Variants in SMOC1 observed in about 807,000 individuals in gnomAD.
SMOC1 encodes SPARC related modular calcium binding 1, also known as SPARC-related modular calcium-binding protein 1.
Under a neutral mutation model 56.3 loss-of-function variants are expected in SMOC1, and 22 were observed. The observed-to-expected ratio is 0.39, with a 90% CI of 0.28 to 0.56. The LOEUF (loss-of-function observed/expected upper bound fraction) is 0.56, where lower values mean the gene tolerates loss of function less well. SMOC1 is among the 20% of genes least tolerant of loss of function. SMOC1 has a pLI of 0.61. For synonymous variants in SMOC1, 193 were observed against 215.0 expected, an observed-to-expected ratio of 0.90 and a Z score of 0.89; for missense variants, 509 against 565.4, an observed-to-expected ratio of 0.90 and a Z score of 1.01.
At chr14:70,000,568 G>A (rs376214650) in intron 7 of SMOC1, among the ~76,000 whole-genome samples, 7 of 152,174 alleles carry the variant, frequency 4.6e-5, no homozygotes, top group Non-Finnish European at 1.0e-4. Context: ...AAATTTGAGC[G>A]GGTGCGAGTC....
In SMOC1 at chr14:69,987,810, C is replaced by T. The variant is rs1380432; in HGVS notation, c.527-4607C>T. On this transcript the variant is annotated intron_variant, in intron 5 of 11. Transcript: ENST00000361956. The stretch of plus-strand genomic sequence containing the variant: ...TCGAAGTGACTTCCAGCTGTCTGTG[C>T]GTGGGCCAGGCCTTCTCGCAGGGCA... 4.1e-3 allele frequency among the ~76,000 whole-genome samples: 628 copies of T among 152,288 alleles called. 3 individuals carry two copies. The highest frequency in any genetic ancestry group is 0.011 in the South Asian group (51 of 4,824).
At chr14:69,968,172 A>G (rs1442981542) in intron 3 of SMOC1, among the ~76,000 whole-genome samples, 1 of 152,230 alleles carries the variant, frequency 6.6e-6, no homozygotes, top group Admixed American at 6.5e-5. Flanking sequence ...TGAGTATTTC[A>G]TGATAAATGC....
intron 3 of SMOC1, among the ~76,000 whole-genome samples, chr14:69,969,227 T>G (rs1883674539): frequency 1.3e-5 from 2 of 152,200 alleles, no homozygotes; most frequent in African/African-American, 4.8e-5. Flanking sequence ...GTGTAAAAGT[T>G]AGGGGAGGGT....
intron 1 of SMOC1, among the ~76,000 whole-genome samples, chr14:69,942,123 A>G (rs1015598103): frequency 1.3e-5 from 2 of 151,602 alleles, no homozygotes; most frequent in Non-Finnish European, 2.9e-5. Context: ...CCCATATCCT[A>G]TCTGTTTGTT....
chr14:69,894,986 G>A (rs1420057699), intron 1 of SMOC1, among the ~76,000 whole-genome samples: 4 of 152,192 alleles, frequency 2.6e-5, no homozygotes, highest in African/African-American at 9.7e-5. Flanking sequence ...TAGTGGCAGA[G>A]CCAGAGCCAG....
chr14:69,971,136 G>A (rs1883749341), intron 3 of SMOC1, among the ~76,000 whole-genome samples: 2 of 151,942 alleles, frequency 1.3e-5, no homozygotes, highest in Admixed American at 6.6e-5. Flanking sequence ...ATCCTGCTTC[G>A]GCCTCCCGAG....
chr14:69,979,113 G>C (rs1459155456), intron 5 of SMOC1, among the ~76,000 whole-genome samples: 1 of 152,160 alleles, frequency 6.6e-6, no homozygotes, highest in Non-Finnish European at 1.5e-5. Flanking sequence ...CCTTGGGCTT[G>C]CTGAGGGTCA....
intron 3 of SMOC1, among the ~76,000 whole-genome samples, chr14:69,967,334 G>A (rs1171925628): frequency 6.6e-6 from 1 of 152,244 alleles, no homozygotes; most frequent in Non-Finnish European, 1.5e-5. Context: ...CAGTCAATAA[G>A]AATAGCAGTG....
chr14:69,977,779 A>G, intron 4 of SMOC1, 139 bp from the exon 5 acceptor site: 1 of 741,712 alleles, frequency 1.3e-6, no homozygotes, highest in Non-Finnish European at 2.5e-6. Context: ...CTAACATTGT[A>G]TATAATATCC....
chr14:69,941,808 C>T (rs1882575668), intron 1 of SMOC1, among the ~76,000 whole-genome samples: 2 of 152,162 alleles, frequency 1.3e-5, no homozygotes, highest in Non-Finnish European at 2.9e-5. Flanking sequence ...ATTCTCTTAG[C>T]TTGTCCTTTC....
chr14:70,027,345 A>C (rs1312115180), intron 11 of SMOC1, among the ~76,000 whole-genome samples: 1 of 152,126 alleles, frequency 6.6e-6, no homozygotes, highest in Non-Finnish European at 1.5e-5. Flanking sequence ...TGAGCAGGCC[A>C]GTCTTGGTTG....
chr14:69,885,030 C>T (rs1883757167), intron 1 of SMOC1, among the ~76,000 whole-genome samples: 1 of 152,136 alleles, frequency 6.6e-6, no homozygotes, highest in African/African-American at 2.4e-5. Context: ...GAAGTATAGA[C>T]ATTTTCACAA....
intron 5 of SMOC1, among the ~76,000 whole-genome samples, chr14:69,986,757 G>C (rs1222354283): frequency 6.6e-6 from 1 of 152,140 alleles, no homozygotes; most frequent in African/African-American, 2.4e-5. Context: ...CTCTTCTTCA[G>C]CTCAAGGATG....
intron 5 of SMOC1, among the ~76,000 whole-genome samples, chr14:69,981,078 G>C (rs1235939325): frequency 6.6e-6 from 1 of 152,114 alleles, no homozygotes; most frequent in Non-Finnish European, 1.5e-5. Flanking sequence ...AGAGCAGAAG[G>C]AGGCTGGGGG....
intron 8 of SMOC1, 41 bp from the exon 9 acceptor site, chr14:70,011,444 G>A (rs1252785588): frequency 6.6e-7 from 1 of 1,514,332 alleles, no homozygotes; most frequent in Non-Finnish European, 9.1e-7. Context: ...AGGCTCAGTT[G>A]CCAGCCCCTC....
chr14:69,927,700 G>A (rs771252225), intron 1 of SMOC1, among the ~76,000 whole-genome samples: 42 of 152,298 alleles, frequency 2.8e-4, no homozygotes, highest in Middle Eastern at 3.4e-3. Context: ...AAAGGTGGTA[G>A]GAGGGAAACT....
At chr14:69,918,695 A>C (rs1884752898) in intron 1 of SMOC1, among the ~76,000 whole-genome samples, 1 of 152,196 alleles carries the variant, frequency 6.6e-6, no homozygotes, top group Non-Finnish European at 1.5e-5. Context: ...GGACTGTTTT[A>C]AGGTTTAAAT....
At chr14:69,926,773 T>C (rs576822312) in intron 1 of SMOC1, among the ~76,000 whole-genome samples, 3 of 152,304 alleles carry the variant, frequency 2.0e-5, no homozygotes, top group Admixed American at 1.3e-4. Context: ...AGAGCCATAA[T>C]TGGGTGTGGA....
intron 1 of SMOC1, 49 bp downstream of exon 1, chr14:69,879,826 G>A: frequency 6.8e-7 from 1 of 1,464,334 alleles, no homozygotes; most frequent in Non-Finnish European, 9.2e-7. Context: ...AGGGGAGGTT[G>A]CTTCCCCCCT....
Sources: allele counts gnomAD v4.1 joint callset (sites outside exome capture counted in the v4.1 genomes callset), GRCh38; gene constraint gnomAD v4.1.1; transcripts MANE v1.5; gene names NCBI Gene and HGNC (gene_info 2026-07-23, HGNC 2026-07-21).